FGFR2: variants seen among roughly 807,000 people sequenced by gnomAD.
FGFR2 encodes the protein fibroblast growth factor receptor 2.
A neutral mutation model predicts 95.9 loss-of-function variants in FGFR2; 19 were observed. That is an observed-to-expected ratio of 0.20 (90% CI 0.14 to 0.29). FGFR2 has a LOEUF of 0.29. FGFR2 is among the 10% of genes least tolerant of loss of function. FGFR2 has a pLI of 1.00. For missense variants in FGFR2, 707 were observed against 1,056.9 expected (o/e 0.67, Z 4.59); for synonymous variants, 392 against 393.3 (o/e 1.00, Z 0.04).
chr10:121,598,411 G>GCCGC lies in FGFR2; in HGVS notation c.-604_-601dup, dbSNP rs1863753385. 2 of 155,312 alleles carry GCCGC rather than the reference G, an allele frequency of 1.3e-5. No homozygotes were observed. The highest frequency in any genetic ancestry group is 1.7e-4 in the South Asian group (1 of 5,730). The allele number at this position is 155,312 out of a possible 1,614,324, so 9.6% of individuals were successfully genotyped here. A position where few individuals can be genotyped will look rare whatever the true frequency, so the allele number is the denominator to read the frequency against. ...GCGCTCCCTCGCCCGCTCCGCACCC[G>GCCGC]CCGCCCGCCCGCTCGGCTCTCCACC... On this transcript the variant is annotated 5_prime_UTR_variant, in exon 1 of 18. Transcript: ENST00000358487.
At chr10:121,523,707 G>T (rs565100815) in intron 6 of FGFR2, among the ~76,000 whole-genome samples, 1 of 152,288 alleles carries the variant, frequency 6.6e-6, no homozygotes, top group East Asian at 1.9e-4. Flanking sequence ...ACTTGTACAT[G>T]CATGTGTGTG....
At chr10:121,582,124 G>C (rs1018512920) in intron 2 of FGFR2, among the ~76,000 whole-genome samples, 1 of 151,852 alleles carries the variant, frequency 6.6e-6, no homozygotes, top group African/African-American at 2.4e-5. Context: ...TAGAGACCAC[G>C]TTTCACCATG....
chr10:121,552,407 T>C (rs905217043), intron 4 of FGFR2, among the ~76,000 whole-genome samples: 7 of 152,210 alleles, frequency 4.6e-5, no homozygotes, highest in Non-Finnish European at 1.0e-4. Flanking sequence ...AACACATTAA[T>C]CTTCACAATG....
At chr10:121,491,662 A>G (rs1354706813) in intron 13 of FGFR2, among the ~76,000 whole-genome samples, 2 of 151,572 alleles carry the variant, frequency 1.3e-5, no homozygotes, top group African/African-American at 2.4e-5. Context: ...CGAGGTCAGG[A>G]GATGGAGACC....
intron 2 of FGFR2, among the ~76,000 whole-genome samples, chr10:121,590,574 G>T (rs1030939859): frequency 4.6e-5 from 7 of 152,068 alleles, no homozygotes; most frequent in African/African-American, 1.7e-4. Context: ...ATCTTCTAGA[G>T]ATTATTTTCT....
chr10:121,509,295 TCA>T (rs922764274), intron 9 of FGFR2, among the ~76,000 whole-genome samples: 6 of 152,076 alleles, frequency 3.9e-5, no homozygotes, highest in Non-Finnish European at 7.4e-5. Flanking sequence ...GCATGTATTT[TCA>T]CAGACTCCAA....
chr10:121,506,889 C>T (rs975118934), intron 9 of FGFR2, among the ~76,000 whole-genome samples: 7 of 152,146 alleles, frequency 4.6e-5, no homozygotes, highest in African/African-American at 1.7e-4. Context: ...AGAAGAAGTA[C>T]TTTATTTAAC....
At chr10:121,522,888 A>C (rs988166834) in intron 6 of FGFR2, among the ~76,000 whole-genome samples, 6 of 152,250 alleles carry the variant, frequency 3.9e-5, no homozygotes, top group Non-Finnish European at 8.8e-5. Flanking sequence ...CAGCCAGCTC[A>C]GCACACCAAG....
Position 121,517,995 on chromosome 10 carries a change from T to A in FGFR2, c.940-532A>T, listed in dbSNP as rs1849921100. 2.2e-6 allele frequency: 1 copy of A among 462,294 alleles called. No homozygotes were observed. Among genetic ancestry groups the A allele is most frequent in the African/African-American group, 2.0e-5 (1 of 49,408 alleles). 28.6% of individuals were successfully genotyped at this position (462,294 alleles called of 1,614,324 possible). On this transcript the variant is annotated intron_variant, in intron 7 of 17. Transcript: ENST00000358487. This position sits in a 1 kb window ranked among gnomAD's most constrained non-coding sequence, Gnocchi z 4.7. ...GCTCTGGTTATTTTTACTTCTGCGA[T>A]ACCATCTTGCCCTACATAGCATTGA...
In FGFR2 at chr10:121,479,515, G is replaced by A. The variant is rs1256249596; in HGVS notation, c.*342C>T. ...CATTTGTGCTCTGTAAGTGTGTGCT[G>A]ACATAAATCTTCTCCAATTATTACA... On this transcript the variant is annotated 3_prime_UTR_variant, in exon 18 of 18. Transcript: ENST00000358487. 1 of 1,338,336 alleles carries A rather than the reference G, an allele frequency of 7.5e-7. No individual in the cohort carries two copies. The highest frequency in any genetic ancestry group is 1.5e-5 in the African/African-American group (1 of 68,962). 82.9% of individuals were successfully genotyped at this position (1,338,336 alleles called of 1,614,324 possible).
chr10:121,498,423 C>T (rs895206551), intron 12 of FGFR2, 72 bp downstream of exon 12: 9 of 1,028,948 alleles, frequency 8.7e-6, no homozygotes, highest in Admixed American at 3.4e-5. Context: ...GATCTGGAAG[C>T]CCAGCCATTT....
intron 2 of FGFR2, among the ~76,000 whole-genome samples, chr10:121,570,363 A>G (rs1225191155): frequency 6.6e-6 from 1 of 152,206 alleles, no homozygotes; most frequent in African/African-American, 2.4e-5. Context: ...AGCCAGGACA[A>G]TCAGAGAATC....
At chr10:121,564,226 CAAAGGGA>C (rs1857353562) in intron 4 of FGFR2, 1 of 504,232 alleles carries the variant, frequency 2.0e-6, no homozygotes, top group Non-Finnish European at 3.6e-6. Context: ...AGGGAGAAGT[CAAAGGGA>C]AAAGGGAAAA....
chr10:121,565,359 T>A (rs1161217316), intron 3 of FGFR2, 79 bp downstream of exon 3: 2 of 1,580,152 alleles, frequency 1.3e-6, no homozygotes, highest in East Asian at 2.2e-5. Flanking sequence ...CAATTAGAGA[T>A]CTCACTACCT....
intron 14 of FGFR2, 151 bp from the exon 15 acceptor site, chr10:121,487,575 G>T (rs558346414): frequency 1.5e-5 from 11 of 712,628 alleles, no homozygotes; most frequent in Non-Finnish European, 2.5e-5. Context: ...TGAGGACCAT[G>T]AACAATGTGT....
At chr10:121,483,661 AAC>A in intron 17 of FGFR2, 35 bp downstream of exon 17, 1 of 1,489,720 alleles carries the variant, frequency 6.7e-7, no homozygotes. Context: ...CTCACAAGAC[AAC>A]CAAGGACAAG....
intron 5 of FGFR2, among the ~76,000 whole-genome samples, chr10:121,544,407 G>A (rs1854205016): frequency 6.8e-6 from 1 of 146,212 alleles, no homozygotes; most frequent in Admixed American, 7.0e-5. Flanking sequence ...TTGCACCACT[G>A]CACTCCAGCC....
In FGFR2 at chr10:121,489,394, G is replaced by T. The variant is rs41293773; in HGVS notation, c.1864-1281C>A. 8.2e-3 allele frequency among the ~76,000 whole-genome samples: 1,251 copies of T among 151,936 alleles called. 9 individuals carry two copies. Among genetic ancestry groups the T allele is most frequent in the African/African-American group, 0.026 (1,074 of 41,430 alleles). ...CAGCCCCTCTGTTTAGTTTTATCCC[G>T]TCCCCTTCCCTCAGCTGCCTCTCTG... On this transcript the variant is annotated intron_variant, in intron 13 of 17. Transcript: ENST00000358487.
In FGFR2 at chr10:121,523,757, G is replaced by A. The variant is rs181858895; in HGVS notation, c.749-3588C>T. Among the ~76,000 whole-genome samples the A allele has an allele frequency of 2.8e-4, 42 of 152,234 alleles. No homozygotes were observed. The East Asian group carries it at 6.9e-3, about 25-fold the overall frequency. ...GTTTTAAGATAAATATTTACAGTGG[G>A]CCTACACATCTATTCTTAGAAACAA... On this transcript the variant is annotated intron_variant, in intron 6 of 17. Coordinates refer to ENST00000358487, the MANE Select transcript of FGFR2 (RefSeq NM_000141.5).
Sources: allele counts gnomAD v4.1 joint callset (sites outside exome capture counted in the v4.1 genomes callset), GRCh38; gene constraint gnomAD v4.1.1; non-coding constraint Gnocchi (gnomAD v3.1); transcripts MANE v1.5; gene names NCBI Gene and HGNC (gene_info 2026-07-23, HGNC 2026-07-21).